Variants in REC114 observed in about 807,000 individuals in gnomAD.
REC114 encodes REC114 meiotic recombination protein.
A neutral mutation model predicts 31.3 loss-of-function variants in REC114; 27 were observed. The observed-to-expected ratio is 0.86, with a 90% CI of 0.64 to 1.19. The LOEUF (loss-of-function observed/expected upper bound fraction) is 1.19, where lower values mean the gene tolerates loss of function less well. Ranked by LOEUF, REC114 falls within the 50% of genes most tolerant of loss-of-function variation. The pLI is 0.00. For synonymous variants in REC114, 134 were observed against 127.7 expected (o/e 1.05, Z -0.33); for missense variants, 344 against 326.9 (o/e 1.05, Z -0.40).
chr15:73,549,963 T>TA (rs1185299623), intron 3 of REC114, among the ~76,000 whole-genome samples: 4 of 152,200 alleles, frequency 2.6e-5, no homozygotes, highest in Non-Finnish European at 5.9e-5. Context: ...TATAGGAACT[T>TA]ACAGGATTTT....
At chr15:73,470,740 T>TG (rs1395757207) in intron 1 of REC114, among the ~76,000 whole-genome samples, 2 of 152,202 alleles carry the variant, frequency 1.3e-5, no homozygotes, top group African/African-American at 4.8e-5. Flanking sequence ...AGGAGTAGTG[T>TG]GGTTTAGATA....
chr15:73,489,633 T>C (rs1243798663), intron 2 of REC114, among the ~76,000 whole-genome samples: 1 of 151,908 alleles, frequency 6.6e-6, no homozygotes, highest in Non-Finnish European at 1.5e-5. Context: ...AAGGCCCACC[T>C]CTTAATTCTA....
At chr15:73,524,690 T>C (rs1178066601) in intron 2 of REC114, among the ~76,000 whole-genome samples, 1 of 152,102 alleles carries the variant, frequency 6.6e-6, no homozygotes, top group Non-Finnish European at 1.5e-5. Context: ...TTTCGCCTCC[T>C]GGTTTGGAGT....
intron 2 of REC114, among the ~76,000 whole-genome samples, chr15:73,480,820 G>T (rs1360289379): frequency 1.3e-5 from 2 of 152,140 alleles, no homozygotes; most frequent in Admixed American, 6.5e-5. Flanking sequence ...TGGGATTACA[G>T]GTGCCCACCA....
chr15:73,544,800 G>T (rs998390937), intron 3 of REC114, among the ~76,000 whole-genome samples: 1 of 152,328 alleles, frequency 6.6e-6, no homozygotes, highest in East Asian at 1.9e-4. Flanking sequence ...TTCTATAGTA[G>T]AGGAATTCAC....
intron 4 of REC114, 122 bp downstream of exon 4, chr15:73,551,272 C>T (rs1038428347): frequency 2.6e-5 from 26 of 1,002,470 alleles, no homozygotes; most frequent in African/African-American, 3.3e-5. Flanking sequence ...CATCTATGTT[C>T]GGTGACTTTT....
At chr15:73,444,827 T>C (rs1030427449) in intron 1 of REC114, among the ~76,000 whole-genome samples, 1 of 152,184 alleles carries the variant, frequency 6.6e-6, no homozygotes, top group Non-Finnish European at 1.5e-5. Flanking sequence ...ATTTCTTAAA[T>C]AATAAGACTT....
At chr15:73,455,697 A>T (rs904524074) in intron 1 of REC114, among the ~76,000 whole-genome samples, 29 of 152,330 alleles carry the variant, frequency 1.9e-4, no homozygotes, top group South Asian at 4.1e-4. Flanking sequence ...TTGTTAAAAG[A>T]CACTGTCTAG....
chr15:73,451,322 G>T (rs1290210816), intron 1 of REC114, among the ~76,000 whole-genome samples: 1 of 152,020 alleles, frequency 6.6e-6, no homozygotes, highest in African/African-American at 2.4e-5. Flanking sequence ...CCTCAGAAAT[G>T]CAAACTGCCA....
intron 3 of REC114, among the ~76,000 whole-genome samples, chr15:73,543,748 A>G (rs946127720): frequency 7.2e-5 from 11 of 152,030 alleles, no homozygotes. Flanking sequence ...AATTTCTAGG[A>G]AAGTGTTTTT....
chr15:73,500,561 T>G (rs1893590588), intron 2 of REC114, among the ~76,000 whole-genome samples: 1 of 152,168 alleles, frequency 6.6e-6, no homozygotes, highest in Non-Finnish European at 1.5e-5. Flanking sequence ...GCCTTCTAGG[T>G]TCTAGAAATG....
At chr15:73,526,025 A>G (rs1424732298) in intron 2 of REC114, among the ~76,000 whole-genome samples, 1 of 152,184 alleles carries the variant, frequency 6.6e-6, no homozygotes, top group African/African-American at 2.4e-5. Context: ...GGGTACAAGC[A>G]CATTCAGGAT....
In REC114 at chr15:73,461,814, G is replaced by A. The variant is rs569176631; in HGVS notation, c.160-12018G>A. Among the ~76,000 whole-genome samples, 22 of 151,852 alleles carry A rather than the reference G, an allele frequency of 1.4e-4. 1 individual carries two copies. The highest frequency in any genetic ancestry group is 1.0e-3 in the Admixed American group (16 of 15,252). On this transcript the variant is annotated intron_variant, in intron 1 of 5. Transcript: ENST00000331090. Reference sequence around the variant, plus strand: ...CTACGTTTAGATTGGCAACTGGAACGAAGAGAAGATGTAAACTTTATGTAT... The same window carrying A: ...CTACGTTTAGATTGGCAACTGGAACAAAGAGAAGATGTAAACTTTATGTAT...
intron 2 of REC114, among the ~76,000 whole-genome samples, chr15:73,537,095 T>C (rs913419547): frequency 2.0e-5 from 3 of 152,262 alleles, no homozygotes; most frequent in African/African-American, 7.2e-5. Flanking sequence ...ATAGGTGCTA[T>C]ATATTCATTA....
At chr15:73,446,765 G>C (rs1351328014) in intron 1 of REC114, among the ~76,000 whole-genome samples, 2 of 152,216 alleles carry the variant, frequency 1.3e-5, no homozygotes, top group African/African-American at 2.4e-5. Context: ...ATGGTAGCTT[G>C]AGATAAGCCT....
rs1284338191 is a variant in REC114, at chr15:73,550,926, T to C, written c.334-12T>C. On this transcript the variant is annotated splice_polypyrimidine_tract_variant and intron_variant, in intron 3 of 5. Transcript: ENST00000331090. ...GAGGGTCTCTCATGATAACTTTTGA[T>C]TTGTCAAACAGGACAAGAGTCGCCT... 1 of 1,613,492 alleles carries C rather than the reference T, an allele frequency of 6.2e-7. No homozygotes were observed. Among genetic ancestry groups the C allele is most frequent in the Admixed American group, 1.7e-5 (1 of 60,000 alleles).
intron 2 of REC114, among the ~76,000 whole-genome samples, chr15:73,517,159 G>A (rs917182373): frequency 1.3e-5 from 2 of 152,042 alleles, no homozygotes; most frequent in African/African-American, 4.8e-5. Context: ...TTAGCAATTA[G>A]GTATGCAAGT....
At chr15:73,490,133 A>T (rs1893424248) in intron 2 of REC114, among the ~76,000 whole-genome samples, 1 of 152,326 alleles carries the variant, frequency 6.6e-6, no homozygotes, top group Non-Finnish European at 1.5e-5. Context: ...GATTAAGAGA[A>T]TGTTTATAAG....
intron 2 of REC114, among the ~76,000 whole-genome samples, chr15:73,527,099 A>G (rs779792450): frequency 1.3e-5 from 2 of 152,122 alleles, no homozygotes; most frequent in Non-Finnish European, 2.9e-5. Context: ...GGTGTAAGCT[A>G]CCACATCTGG....
Sources: gnomAD v4.1 joint callset for allele counts (sites outside exome capture counted in the v4.1 genomes callset) on GRCh38, gnomAD v4.1.1 for gene constraint, MANE v1.5 for transcripts, NCBI Gene and HGNC (gene_info 2026-07-23, HGNC 2026-07-21) for gene names.